The following TANC2 variants were observed in gnomAD, a reference collection of about 807,000 sequenced individuals.
TANC2 encodes the protein tetratricopeptide repeat, ankyrin repeat and coiled-coil containing 2, also known as protein TANC2.
Under a neutral mutation model 210.5 loss-of-function variants are expected in TANC2, and 26 were observed. The observed-to-expected ratio is 0.12, with a 90% CI of 0.09 to 0.17. The LOEUF is 0.17. Among genes scored for constraint, TANC2 ranks in the 10% least tolerant of loss-of-function variants. The pLI, the probability that TANC2 is intolerant of heterozygous loss-of-function variation, is 1.00. For synonymous variants in TANC2, 931 were observed against 967.1 expected (o/e 0.96, Z 0.69); for missense variants, 2,129 against 2,608.9 (o/e 0.82, Z 4.01).
chr17:63,153,141 T>A (rs2039714405), intron 5 of TANC2: 1 of 152,162 alleles, frequency 6.6e-6, no homozygotes, highest in African/African-American at 2.4e-5. Context: ...GAAGCTATTA[T>A]CTCTACATAG....
chr17:63,256,954 T>G (rs2043212417), intron 8 of TANC2, among the ~76,000 whole-genome samples: 1 of 152,204 alleles, frequency 6.6e-6, no homozygotes, highest in South Asian at 2.1e-4. Context: ...TATTTCCATT[T>G]ACATGGAATA....
At chr17:63,084,157 T>A (rs2036875615) in intron 3 of TANC2, among the ~76,000 whole-genome samples, 1 of 152,224 alleles carries the variant, frequency 6.6e-6, no homozygotes. Flanking sequence ...ATTAAATTTA[T>A]TTAATAGTTA....
intron 7 of TANC2, among the ~76,000 whole-genome samples, chr17:63,226,955 G>A (rs965191036): frequency 6.6e-6 from 1 of 152,102 alleles, no homozygotes; most frequent in Non-Finnish European, 1.5e-5. Context: ...TGGCTGCATA[G>A]TATTCCATGG....
At chr17:63,062,829 A>C (rs2036043806) in intron 2 of TANC2, among the ~76,000 whole-genome samples, 1 of 152,216 alleles carries the variant, frequency 6.6e-6, no homozygotes, top group Admixed American at 6.5e-5. Context: ...TTCTGTGACC[A>C]GATGTGTGGG....
At position 63,168,980 on chromosome 17, in the gene TANC2, T is replaced by C. The variant is rs551710893; in HGVS notation, c.433+17600T>C. 1.2e-4 allele frequency among the ~76,000 whole-genome samples: 19 copies of C among 152,354 alleles called. No individual in the cohort carries two copies. The South Asian group carries it at 3.9e-3, about 32-fold the overall frequency. The stretch of plus-strand genomic sequence containing the variant: ...GTTCTCAGCTATTATGATTTAGCTA[T>C]ACCCGGAGGATTCATTATACATGAC... On this transcript the variant is annotated intron_variant, in intron 5 of 27. Transcript: ENST00000689528.
chr17:63,238,568 A>T (rs1258020863), intron 8 of TANC2, among the ~76,000 whole-genome samples: 1 of 152,174 alleles, frequency 6.6e-6, no homozygotes, highest in African/African-American at 2.4e-5. Context: ...CAGTATTTTC[A>T]CAATATCCTG....
At chr17:63,313,234 C>A (rs892564327) in intron 9 of TANC2, 2 of 152,064 alleles carry the variant, frequency 1.3e-5, no homozygotes, top group Admixed American at 1.3e-4. Flanking sequence ...TTAATTAATT[C>A]TTTCCTTAAG....
intron 8 of TANC2, among the ~76,000 whole-genome samples, chr17:63,240,191 A>G (rs558867920): frequency 2.6e-5 from 4 of 152,312 alleles, no homozygotes; most frequent in African/African-American, 9.6e-5. Context: ...ACCAACCATA[A>G]TAGTATGTCC....
chr17:63,246,231 A>C (rs1414752310), intron 8 of TANC2, among the ~76,000 whole-genome samples: 1 of 131,096 alleles, frequency 7.6e-6, no homozygotes, highest in Non-Finnish European at 1.6e-5. Flanking sequence ...TGAGTACCCA[A>C]ACTGGCCAGA....
intron 2 of TANC2, among the ~76,000 whole-genome samples, chr17:63,017,998 G>T (rs1039155662): frequency 6.6e-6 from 1 of 151,906 alleles, no homozygotes; most frequent in African/African-American, 2.4e-5. Flanking sequence ...TTAAAAAATA[G>T]CCAGACATGG....
At chr17:63,128,604 A>T (rs1371387383) in intron 4 of TANC2, among the ~76,000 whole-genome samples, 1 of 152,216 alleles carries the variant, frequency 6.6e-6, no homozygotes, top group Non-Finnish European at 1.5e-5. Context: ...TTTTAAGGGA[A>T]AGTGTTTAAT....
In TANC2 at chr17:63,130,672, A is replaced by G. The variant is rs892497399; in HGVS notation, c.323-20598A>G. On this transcript the variant is annotated intron_variant, in intron 4 of 27. Transcript: ENST00000689528. ...ATAGTCTAACCTAAACTTTATTATA[A>G]TTGAGTCTGTATAATAAAGAGTTTT... 3.3e-5 allele frequency among the ~76,000 whole-genome samples: 5 copies of G among 152,110 alleles called. 1 individual carries two copies. The East Asian group carries it at 7.7e-4, about 23-fold the overall frequency.
At chr17:63,376,665 T>C (rs940524313) in intron 14 of TANC2, among the ~76,000 whole-genome samples, 2 of 152,176 alleles carry the variant, frequency 1.3e-5, no homozygotes, top group Non-Finnish European at 2.9e-5. Flanking sequence ...CCTTGTTTGA[T>C]TGGATGAATT....
At chr17:62,978,189 A>G (rs2032118771) in intron 1 of TANC2, among the ~76,000 whole-genome samples, 1 of 152,254 alleles carries the variant, frequency 6.6e-6, no homozygotes, top group African/African-American at 2.4e-5. Flanking sequence ...AAGTATTAGC[A>G]AAATAAATCT....
At chr17:63,268,222 T>C (rs2043588827) in intron 9 of TANC2, among the ~76,000 whole-genome samples, 1 of 152,182 alleles carries the variant, frequency 6.6e-6, no homozygotes, top group African/African-American at 2.4e-5. Context: ...GCCCTAGCCA[T>C]ATTGCAGGTG....
At chr17:63,217,316 CA>C (rs1316108349) in intron 7 of TANC2, among the ~76,000 whole-genome samples, 2 of 151,660 alleles carry the variant, frequency 1.3e-5, no homozygotes, top group Non-Finnish European at 2.9e-5. Flanking sequence ...CTGACTAGGA[CA>C]AAAAAAGAAG....
intron 5 of TANC2, among the ~76,000 whole-genome samples, chr17:63,170,090 A>G (rs528035532): frequency 5.3e-5 from 8 of 149,920 alleles, no homozygotes; most frequent in African/African-American, 1.7e-4. Context: ...CTGCACTCCA[A>G]CTGCACTCCA....
intron 11 of TANC2, chr17:63,332,573 G>C: frequency 3.2e-6 from 1 of 309,998 alleles, no homozygotes; most frequent in South Asian, 3.2e-5. Flanking sequence ...AGGCCCCGCT[G>C]CCTCTACTTC....
At chr17:63,319,742 C>G (rs1479264430) in intron 11 of TANC2, among the ~76,000 whole-genome samples, 1 of 152,100 alleles carries the variant, frequency 6.6e-6, no homozygotes, top group African/African-American at 2.4e-5. Flanking sequence ...GCTATACTAC[C>G]CTGTCCATAA....
Sources: allele counts gnomAD v4.1 joint callset (sites outside exome capture counted in the v4.1 genomes callset), GRCh38; gene constraint gnomAD v4.1.1; transcripts MANE v1.5; gene names NCBI Gene and HGNC (gene_info 2026-07-23, HGNC 2026-07-21).